Variants in EXOC6B observed in about 807,000 individuals in gnomAD.
EXOC6B encodes exocyst complex component 6B.
EXOC6B carries 54 observed loss-of-function variants against 113.5 expected under a neutral mutation model. The ratio of observed to expected loss-of-function variants is 0.48; its 90% CI spans 0.38 to 0.60. The LOEUF (loss-of-function observed/expected upper bound fraction) is 0.60, where lower values mean the gene tolerates loss of function less well. EXOC6B is among the 20% of genes least tolerant of loss of function. The pLI is 0.00. For missense variants in EXOC6B, 797 were observed against 977.5 expected (o/e 0.82, Z 2.46); for synonymous variants, 357 against 339.0 (o/e 1.05, Z -0.58).
chr2:72,237,603 TG>T (rs1342575320), intron 20 of EXOC6B, among the ~76,000 whole-genome samples: 1 of 152,222 alleles, frequency 6.6e-6, no homozygotes, highest in African/African-American at 2.4e-5. Context: ...TGAATTTAAA[TG>T]TGTTACAGAG....
intron 18 of EXOC6B, among the ~76,000 whole-genome samples, chr2:72,419,262 C>T (rs1393647457): frequency 6.6e-6 from 1 of 152,130 alleles, no homozygotes; most frequent in Non-Finnish European, 1.5e-5. Flanking sequence ...ATAATATTAG[C>T]TTTTAGACTA....
intron 6 of EXOC6B, among the ~76,000 whole-genome samples, chr2:72,639,748 G>A (rs544097100): frequency 7.2e-5 from 11 of 152,308 alleles, no homozygotes; most frequent in African/African-American, 2.6e-4. Context: ...CCAGGAGTTG[G>A]GAGCTAAGTG....
At chr2:72,419,657 G>A (rs1467478967) in intron 18 of EXOC6B, among the ~76,000 whole-genome samples, 3 of 152,164 alleles carry the variant, frequency 2.0e-5, no homozygotes, top group Non-Finnish European at 4.4e-5. Flanking sequence ...CATTTCTGAT[G>A]CGATATGTGC....
At chr2:72,368,171 A>G (rs1690758258) in intron 19 of EXOC6B, among the ~76,000 whole-genome samples, 1 of 152,158 alleles carries the variant, frequency 6.6e-6, no homozygotes, top group Admixed American at 6.5e-5. Context: ...CAGAATAATG[A>G]TACAGGGGAT....
intron 19 of EXOC6B, chr2:72,335,292 T>G (rs1688629502): frequency 3.2e-6 from 1 of 315,518 alleles, no homozygotes; most frequent in African/African-American, 2.2e-5. Flanking sequence ...GAGTATTTGT[T>G]TTGTGAATGG....
chr2:72,490,193 G>A (rs1699665642), intron 16 of EXOC6B, among the ~76,000 whole-genome samples: 1 of 152,114 alleles, frequency 6.6e-6, no homozygotes, highest in Non-Finnish European at 1.5e-5. Context: ...ATGGAAGGCA[G>A]TACAATACAG....
intron 18 of EXOC6B, among the ~76,000 whole-genome samples, chr2:72,428,541 G>A (rs541329087): frequency 1.4e-4 from 22 of 152,268 alleles, no homozygotes; most frequent in African/African-American, 5.1e-4. Flanking sequence ...CCCCATGCTC[G>A]CTCATACACT....
chr2:72,236,821 C>G (rs1408510643), intron 20 of EXOC6B, among the ~76,000 whole-genome samples: 1 of 152,112 alleles, frequency 6.6e-6, no homozygotes, highest in East Asian at 1.9e-4. Flanking sequence ...GTCTTAGTTT[C>G]TCCTGCGCTG....
chr2:72,255,478 G>A lies in EXOC6B; in HGVS notation c.2197-71291C>T, dbSNP rs140550994. 3.0e-4 allele frequency among the ~76,000 whole-genome samples: 45 copies of A among 152,362 alleles called. No homozygotes were observed. The Middle Eastern group carries it at 0.01, about 35-fold the overall frequency. On this transcript the variant is annotated intron_variant, in intron 20 of 21. Coordinates refer to ENST00000272427, the MANE Select transcript of EXOC6B (RefSeq NM_015189.3). The stretch of plus-strand genomic sequence containing the variant: ...CCACAGGCCTGGAAGGCAGCGCCAA[G>A]AGCCATAGATAATTAGTTCCAGGCC...
chr2:72,584,115 A>G (rs906355674), intron 6 of EXOC6B, among the ~76,000 whole-genome samples: 2 of 152,180 alleles, frequency 1.3e-5, no homozygotes, highest in East Asian at 1.9e-4. Flanking sequence ...CCTATAAAGC[A>G]ATAACAATAG....
intron 8 of EXOC6B, among the ~76,000 whole-genome samples, chr2:72,519,995 T>C (rs1456631414): frequency 6.6e-6 from 1 of 152,216 alleles, no homozygotes; most frequent in East Asian, 1.9e-4. Context: ...GAACATCAAC[T>C]ACTTAGAAAA....
At chr2:72,255,423 T>C (rs1683296159) in intron 20 of EXOC6B, among the ~76,000 whole-genome samples, 1 of 152,178 alleles carries the variant, frequency 6.6e-6, no homozygotes, top group Non-Finnish European at 1.5e-5. Flanking sequence ...GTCAGAGCCA[T>C]GGGTGCAGAA....
At chr2:72,649,048 G>A (rs568931022) in intron 6 of EXOC6B, among the ~76,000 whole-genome samples, 1 of 152,286 alleles carries the variant, frequency 6.6e-6, no homozygotes, top group African/African-American at 2.4e-5. Context: ...GCTGAGGTGG[G>A]AGGATCACTT....
intron 19 of EXOC6B, among the ~76,000 whole-genome samples, chr2:72,339,762 C>T (rs11894521): frequency 0.22 from 33,223 of 151,922 alleles, 7,018 homozygotes; most frequent in African/African-American, 0.56. Flanking sequence ...AAGGAAACAT[C>T]TTCACTTAAA....
intron 1 of EXOC6B, among the ~76,000 whole-genome samples, chr2:72,761,304 G>T (rs1682729778): frequency 6.6e-6 from 1 of 152,084 alleles, no homozygotes; most frequent in Non-Finnish European, 1.5e-5. Flanking sequence ...TAGAGAATCT[G>T]ATATTCTACA....
At chr2:72,255,120 C>G (rs1008320276) in intron 20 of EXOC6B, among the ~76,000 whole-genome samples, 2 of 152,138 alleles carry the variant, frequency 1.3e-5, no homozygotes, top group African/African-American at 4.8e-5. Context: ...TTGATCCACT[C>G]AACCATCTCA....
chr2:72,601,134 G>A (rs1306120601), intron 6 of EXOC6B, among the ~76,000 whole-genome samples: 18 of 138,026 alleles, frequency 1.3e-4, no homozygotes, highest in African/African-American at 4.9e-4. Context: ...ATGTGTGTGT[G>A]TGTGTGTGTG....
At chr2:72,438,310 GAA>G (rs775849981) in intron 18 of EXOC6B, among the ~76,000 whole-genome samples, 6 of 138,872 alleles carry the variant, frequency 4.3e-5, no homozygotes, top group Admixed American at 1.4e-4. Context: ...AATCTTTGTG[GAA>G]AAAAAAAAAA....
At chr2:72,579,619 A>G (rs1705074300) in intron 6 of EXOC6B, among the ~76,000 whole-genome samples, 1 of 152,212 alleles carries the variant, frequency 6.6e-6, no homozygotes, top group African/African-American at 2.4e-5. Flanking sequence ...TAAAACTGTC[A>G]AAGTGTGTCT....
Sources: allele counts gnomAD v4.1 joint callset (sites outside exome capture counted in the v4.1 genomes callset), GRCh38; gene constraint gnomAD v4.1.1; transcripts MANE v1.5; gene names NCBI Gene and HGNC (gene_info 2026-07-23, HGNC 2026-07-21).